The following RBFOX2 variants were observed in gnomAD, a reference collection of about 807,000 sequenced individuals.
RBFOX2 encodes the protein RNA binding fox-1 homolog 2, also known as RNA binding protein fox-1 homolog 2.
RBFOX2 carries 10 observed loss-of-function variants against 49.1 expected under a neutral mutation model. The ratio of observed to expected loss-of-function variants is 0.20; its 90% CI spans 0.13 to 0.35. The LOEUF (loss-of-function observed/expected upper bound fraction) is 0.35. Among genes scored for constraint, RBFOX2 ranks in the 10% least tolerant of loss-of-function variants. The probability of loss-of-function intolerance (pLI) is 1.00; values close to 1 mark genes in which losing one functional copy is unlikely to be tolerated. For synonymous variants in RBFOX2, 183 were observed against 187.4 expected (o/e 0.98, Z 0.19); for missense variants, 323 against 486.9 (o/e 0.66, Z 3.17).
upstream of RBFOX2, among the ~76,000 whole-genome samples, chr22:35,842,832 G>C (rs536629825): frequency 1.3e-5 from 2 of 152,046 alleles, no homozygotes; most frequent in African/African-American, 2.4e-5. Flanking sequence ...TTAAAGAAAA[G>C]GGCAAATGAG....
At position 35,906,773 on chromosome 22, in the gene RBFOX2, C is replaced by T. The variant is rs192276674; in HGVS notation, c.-34+32074G>A. Among the ~76,000 whole-genome samples, 3 of 152,162 alleles carry T rather than the reference C, an allele frequency of 2.0e-5. No individual in the cohort carries two copies. In the East Asian group the frequency reaches 5.8e-4, roughly 29 times the overall value. On this transcript the variant is annotated intron_variant, in intron 1 of 13. Transcript: ENST00000359369. ...GAGGCTGCAGTGAGCCAAGATCACGCCACTGCATCCCAGCCTGGCCAACAG... is the reference window on the plus strand; with the variant it reads ...GAGGCTGCAGTGAGCCAAGATCACGTCACTGCATCCCAGCCTGGCCAACAG...
At chr22:35,768,982 T>C (rs1415332722) in intron 4 of RBFOX2, among the ~76,000 whole-genome samples, 1 of 152,170 alleles carries the variant, frequency 6.6e-6, no homozygotes, top group Non-Finnish European at 1.5e-5. Flanking sequence ...GAGGAGAGCA[T>C]TCATGCTCTT....
intron 1 of RBFOX2, among the ~76,000 whole-genome samples, chr22:35,815,050 C>T (rs959691391): frequency 1.1e-4 from 17 of 152,210 alleles, no homozygotes; most frequent in African/African-American, 4.1e-4. Context: ...ATTCAACAGT[C>T]TATTGCCTTA....
chr22:35,840,414 C>A (rs1172520501), exon 1 of RBFOX2: 8 of 1,480,682 alleles, frequency 5.4e-6, no homozygotes, highest in African/African-American at 1.4e-5. Flanking sequence ...GCAGTCTCTC[C>A]CCCTCCTTCT....
chr22:35,946,958 G>A (rs902346402), intron 1 of RBFOX2, among the ~76,000 whole-genome samples: 18 of 152,194 alleles, frequency 1.2e-4, no homozygotes, highest in African/African-American at 3.4e-4. Context: ...CTGGGAGGCC[G>A]AGGAGGGAGG....
chr22:36,010,769 A>G (rs2058791649), intron 1 of RBFOX2, among the ~76,000 whole-genome samples: 1 of 150,966 alleles, frequency 6.6e-6, no homozygotes, highest in Non-Finnish European at 1.5e-5. Flanking sequence ...ACACACACAC[A>G]CACACACACG....
intron 1 of RBFOX2, among the ~76,000 whole-genome samples, chr22:35,977,643 A>G (rs1047825808): frequency 6.7e-6 from 1 of 150,320 alleles, no homozygotes; most frequent in African/African-American, 2.4e-5. Flanking sequence ...TTACATGTCT[A>G]TATTACATTT....
chr22:36,009,694 G>C (rs1018732769), intron 1 of RBFOX2, among the ~76,000 whole-genome samples: 1 of 152,076 alleles, frequency 6.6e-6, no homozygotes, highest in African/African-American at 2.4e-5. Context: ...CAGACAGAAA[G>C]GGCCCTCTTA....
At chr22:35,904,339 T>C (rs996617159) in intron 1 of RBFOX2, among the ~76,000 whole-genome samples, 1 of 152,168 alleles carries the variant, frequency 6.6e-6, no homozygotes, top group Non-Finnish European at 1.5e-5. Context: ...ATTTCTCCAT[T>C]AGAAAGTAAT....
intron 2 of RBFOX2, among the ~76,000 whole-genome samples, chr22:35,788,078 G>T (rs999017722): frequency 1.3e-5 from 2 of 152,150 alleles, no homozygotes; most frequent in African/African-American, 2.4e-5. Flanking sequence ...TCTCATCCTA[G>T]AAATGAGGAC....
intron 1 of RBFOX2, among the ~76,000 whole-genome samples, chr22:36,009,943 C>G (rs545742481): frequency 6.6e-6 from 1 of 152,328 alleles, no homozygotes; most frequent in East Asian, 1.9e-4. Context: ...GTTGGCACTT[C>G]ACCTTTCCTA....
exon 12 of RBFOX2, chr22:35,741,466 C>T (rs1929919264): frequency 6.6e-6 from 1 of 152,352 alleles, no homozygotes; most frequent in African/African-American, 2.4e-5. Flanking sequence ...CAACCTGCCT[C>T]TGGTGAAGTT....
At chr22:35,871,945 G>A (rs538012509) in intron 1 of RBFOX2, among the ~76,000 whole-genome samples, 4 of 152,300 alleles carry the variant, frequency 2.6e-5, no homozygotes, top group African/African-American at 9.6e-5. Context: ...AGAGCACAGA[G>A]ATTCAAATTT....
chr22:35,781,454 C>T (rs1661314319), intron 3 of RBFOX2, 146 bp downstream of exon 4: 3 of 1,131,266 alleles, frequency 2.7e-6, no homozygotes, highest in Non-Finnish European at 3.8e-6. Context: ...AAAAAGGCTT[C>T]TAAAGACTGA....
chr22:35,761,549 C>A (rs1490664641), intron 6 of RBFOX2, 81 bp from the exon 8 acceptor site: 4 of 1,477,234 alleles, frequency 2.7e-6, no homozygotes, highest in Non-Finnish European at 3.8e-6. Flanking sequence ...TTGGCTTCAG[C>A]CATCTCTGGG....
intron 1 of RBFOX2, among the ~76,000 whole-genome samples, chr22:35,944,871 T>C (rs912931637): frequency 2.0e-5 from 3 of 151,960 alleles, no homozygotes; most frequent in Non-Finnish European, 4.4e-5. Flanking sequence ...AGGTCAGGGA[T>C]TCGAGACTAG....
Position 35,781,712 on chromosome 22 carries a change from T to C in RBFOX2, c.287A>G (p.Gln96Arg). The change falls in exon 3 of 12, where the codon CAG becomes CGG. Residue 96 changes from glutamine to arginine, a missense_variant. Physicochemically the swap from Gln to Arg is conservative, Grantham distance 43. This residue lies in a region of RBFOX2 where 200 missense variants were observed against 370.0 expected (regional missense o/e 0.54). Transcript: ENST00000405409. ...ATTTTCACTACTTTGTGTCTGTGAC[T>C]GCTGGCCGTCTGTCTGTGCTCCACC... 1 of 1,614,222 alleles carries C rather than the reference T, an allele frequency of 6.2e-7. No individual in the cohort carries two copies.
chr22:35,859,495 A>T (rs2042888301), intron 1 of RBFOX2, among the ~76,000 whole-genome samples: 1 of 152,214 alleles, frequency 6.6e-6, no homozygotes, highest in South Asian at 2.1e-4. Flanking sequence ...GAAATCTTTA[A>T]ATTATACCTA....
intron 1 of RBFOX2, among the ~76,000 whole-genome samples, chr22:35,878,774 A>G (rs2045490236): frequency 6.6e-6 from 1 of 152,086 alleles, no homozygotes. Flanking sequence ...ATTGTCACCC[A>G]GGCTGGAGTG....
Sources: gnomAD v4.1 joint callset for allele counts (sites outside exome capture counted in the v4.1 genomes callset) on GRCh38, gnomAD v4.1.1 for gene constraint, gnomAD v4.1.1 regional missense constraint, MANE v1.5 for transcripts, NCBI Gene and HGNC (gene_info 2026-07-23, HGNC 2026-07-21) for gene names.